Variants in RBM33 observed in about 807,000 individuals in gnomAD.
The protein encoded by RBM33 is RNA-binding protein 33.
A neutral mutation model predicts 132.6 loss-of-function variants in RBM33; 28 were observed. The observed-to-expected ratio is 0.21, with a 90% confidence interval of 0.16 to 0.29. RBM33 has a LOEUF of 0.29. Among genes scored for constraint, RBM33 ranks in the 10% least tolerant of loss-of-function variants. The pLI is 1.00. For missense variants in RBM33, 1,291 were observed against 1,518.5 expected, an observed-to-expected ratio of 0.85 and a Z score of 2.49; for synonymous variants, 634 against 593.0, an observed-to-expected ratio of 1.07 and a Z score of -1.01.
At chr7:155,654,486 A>G (rs73165198) in intron 1 of RBM33, among the ~76,000 whole-genome samples, 9,820 of 152,026 alleles carry the variant, frequency 0.065, 479 homozygotes, top group African/African-American at 0.14. Context: ...GTAATGCCCC[A>G]AATCTTTACC....
chr7:155,739,487 G>C, intron 11 of RBM33: 1 of 560,894 alleles, frequency 1.8e-6, no homozygotes. Flanking sequence ...TTTTCCTTAG[G>C]ACAATTCAAT....
At chr7:155,657,866 A>G (rs1029983729) in intron 1 of RBM33, among the ~76,000 whole-genome samples, 2 of 92,398 alleles carry the variant, frequency 2.2e-5, no homozygotes, top group Non-Finnish European at 6.1e-5. Flanking sequence ...TTTAAAATTC[A>G]TTAAGAACTA....
chr7:155,742,228 TC>T, intron 13 of RBM33, 122 bp downstream of exon 13: 3 of 896,628 alleles, frequency 3.3e-6, no homozygotes, highest in African/African-American at 1.9e-5. Flanking sequence ...TTCACCTGGG[TC>T]TTTTTTTTTT....
chr7:155,685,876 A>G (rs1484130486), intron 5 of RBM33, among the ~76,000 whole-genome samples: 2 of 152,180 alleles, frequency 1.3e-5, no homozygotes, highest in Non-Finnish European at 2.9e-5. Flanking sequence ...CATTTACTTT[A>G]GGTGTTATTT....
At chr7:155,697,413 A>G (rs1799825813) in intron 5 of RBM33, among the ~76,000 whole-genome samples, 1 of 152,024 alleles carries the variant, frequency 6.6e-6, no homozygotes, top group South Asian at 2.1e-4. Context: ...TAATTTTTGC[A>G]CAGTTTGCTT....
At chr7:155,709,901 A>C (rs534414428) in intron 7 of RBM33, among the ~76,000 whole-genome samples, 16 of 152,336 alleles carry the variant, frequency 1.1e-4, no homozygotes, top group African/African-American at 3.1e-4. Context: ...TTCACAGATT[A>C]GTTTTAGAAT....
chr7:155,732,290 C>A (rs1170076443), intron 9 of RBM33, among the ~76,000 whole-genome samples: 1 of 152,088 alleles, frequency 6.6e-6, no homozygotes. Flanking sequence ...ATTTTCACAC[C>A]CAGTGATGCT....
chr7:155,715,975 AC>A (rs1361779810), intron 8 of RBM33, among the ~76,000 whole-genome samples: 1 of 152,246 alleles, frequency 6.6e-6, no homozygotes, highest in East Asian at 1.9e-4. Flanking sequence ...TTATTTAAAA[AC>A]AATTTTGATG....
At chr7:155,739,486 G>A in intron 11 of RBM33, 1 of 560,470 alleles carries the variant, frequency 1.8e-6, no homozygotes, top group Non-Finnish European at 3.1e-6. Context: ...GTTTTCCTTA[G>A]GACAATTCAA....
rs1215706444 is a variant in RBM33 at position 155,679,730 on chromosome 7, T to C, written c.249-860T>C. 3.9e-5 allele frequency among the ~76,000 whole-genome samples: 6 copies of C among 152,364 alleles called. No individual in the cohort carries two copies. The East Asian group carries it at 5.8e-4, about 15-fold the overall frequency. On this transcript the variant is annotated intron_variant, in intron 4 of 17. Transcript: ENST00000401878. ...ATTCCATTCTTTGACATCACTGTTA[T>C]ATTTTAATCTTTTGAGTTAGATTGT... is the stretch of plus-strand genomic sequence containing the variant.
rs1401994835 is a variant in RBM33 at position 155,648,908 on chromosome 7, C to T, written c.43+3989C>T. Among the ~76,000 whole-genome samples the T allele has an allele frequency of 3.3e-5, 5 of 152,170 alleles. No homozygotes were observed. In the East Asian group the frequency reaches 5.8e-4, roughly 18 times the overall value. On this transcript the variant is annotated intron_variant, in intron 1 of 17. Transcript: ENST00000401878. Reference sequence around the variant, plus strand: ...GGAGGATCCTTTGTACATGACATGTCACTTCTCTCTTGGTGTATTCAAGAT... The same window carrying T: ...GGAGGATCCTTTGTACATGACATGTTACTTCTCTCTTGGTGTATTCAAGAT...
intron 5 of RBM33, among the ~76,000 whole-genome samples, chr7:155,697,387 G>C (rs1799824352): frequency 8.5e-6 from 1 of 117,364 alleles, no homozygotes; most frequent in Admixed American, 8.3e-5. Context: ...ACACTGGTCT[G>C]TAATTCTTTT....
intron 5 of RBM33, among the ~76,000 whole-genome samples, chr7:155,700,240 A>G (rs932568651): frequency 6.6e-6 from 1 of 152,234 alleles, no homozygotes; most frequent in African/African-American, 2.4e-5. Flanking sequence ...GATTGAAGTA[A>G]AAAGGAGTGA....
At chr7:155,757,543 A>G (rs1801891005) in intron 14 of RBM33, among the ~76,000 whole-genome samples, 1 of 152,070 alleles carries the variant, frequency 6.6e-6, no homozygotes, top group East Asian at 1.9e-4. Flanking sequence ...GTTTCAAAAT[A>G]TGTTAGTGTA....
At chr7:155,703,808 G>A (rs902533241) in intron 6 of RBM33, among the ~76,000 whole-genome samples, 1 of 152,090 alleles carries the variant, frequency 6.6e-6, no homozygotes, top group Admixed American at 6.6e-5. Flanking sequence ...TGTGCTCCTA[G>A]AGATCAAAAT....
chr7:155,644,965 G>T, intron 1 of RBM33, 46 bp downstream of exon 1: 5 of 1,433,538 alleles, frequency 3.5e-6, no homozygotes, highest in Non-Finnish European at 4.6e-6. Flanking sequence ...GCGCCGCGGT[G>T]GGCGGGGGTG....
chr7:155,673,768 GCACACACACACACACACACA>G (rs369116329), intron 3 of RBM33, among the ~76,000 whole-genome samples: 5 of 132,980 alleles, frequency 3.8e-5, no homozygotes, highest in South Asian at 2.3e-4. Context: ...GCGCATGCGC[GCACACACACACACACACACA>G]CACACACACA....
chr7:155,747,121 C>CA (rs1330999178), intron 14 of RBM33, among the ~76,000 whole-genome samples: 2 of 152,074 alleles, frequency 1.3e-5, no homozygotes, highest in African/African-American at 2.4e-5. Context: ...GTAGACTATC[C>CA]AGTAGGATAG....
At chr7:155,647,234 A>G (rs1009141988) in intron 1 of RBM33, among the ~76,000 whole-genome samples, 30 of 152,188 alleles carry the variant, frequency 2.0e-4, no homozygotes, top group Non-Finnish European at 3.8e-4. Context: ...AATGTTTTCT[A>G]TTTCATTACA....
Sources: allele counts gnomAD v4.1 joint callset (sites outside exome capture counted in the v4.1 genomes callset), GRCh38; gene constraint gnomAD v4.1.1; transcripts MANE v1.5; gene names NCBI Gene and HGNC (gene_info 2026-07-23, HGNC 2026-07-21).